MEG3: variants seen among roughly 807,000 people sequenced by gnomAD.
The protein encoded by MEG3 is maternally expressed 3.
rs2037621795 is a variant in MEG3 at position 100,837,517 on chromosome 14, G to A, written n.3045+1217G>A. ...TGAGGGGGCCCTAGCACTGTCCTTG[G>A]CCCAGATGCCAATACTCCCCTCTGG... On this transcript the variant is annotated intron_variant and non_coding_transcript_variant, in intron 2 of 3. Coordinates refer to the MEG3 transcript ENST00000398461. This position sits in a 1 kb window ranked among gnomAD's most constrained non-coding sequence, Gnocchi z 5.8. Among the ~76,000 whole-genome samples, 1 of 152,056 alleles carries A rather than the reference G, an allele frequency of 6.6e-6. No homozygotes were observed. Among genetic ancestry groups the A allele is most frequent in the African/African-American group, 2.4e-5 (1 of 41,386 alleles).
intron 2 of MEG3, among the ~76,000 whole-genome samples, chr14:100,841,569 G>A (rs1169657072): frequency 2.0e-5 from 3 of 152,222 alleles, no homozygotes; most frequent in Non-Finnish European, 4.4e-5. Context: ...GAGGTTGCAC[G>A]GTGAGCCGGC....
At chr14:100,843,339 C>T (rs895589903) in intron 2 of MEG3, among the ~76,000 whole-genome samples, 2 of 152,076 alleles carry the variant, frequency 1.3e-5, no homozygotes, top group African/African-American at 2.4e-5. Flanking sequence ...GCCTGAGTCT[C>T]GTTGCCACCT....
intron 2 of MEG3, among the ~76,000 whole-genome samples, chr14:100,839,225 A>T (rs756168886): frequency 2.0e-5 from 3 of 152,152 alleles, no homozygotes; most frequent in Non-Finnish European, 4.4e-5. Context: ...GCAGTGGACA[A>T]TGCGGAAGCC....
At chr14:100,833,818 A>G (rs917280400), downstream of MEG3, 16 of 152,224 alleles carry the variant, frequency 1.1e-4, no homozygotes, top group African/African-American at 3.9e-4. Flanking sequence ...TGGAAAAAAA[A>G]ACTAGGGGAT....
chr14:100,834,701 C>T (rs3194464), exon 1 of MEG3: 2 of 456,562 alleles, frequency 4.4e-6, no homozygotes, highest in East Asian at 7.0e-5. Flanking sequence ...CAGCACCAGC[C>T]TGGCACAGAG....
chr14:100,860,035 C>T (rs1219798373), exon 1 of MEG3: 1 of 153,202 alleles, frequency 6.5e-6, no homozygotes, highest in Non-Finnish European at 1.5e-5. Context: ...GTGACTGGCA[C>T]ACAGGCGCTC....
upstream of MEG3, chr14:100,856,248 G>A (rs749765351): frequency 6.6e-6 from 1 of 152,380 alleles, no homozygotes; most frequent in Admixed American, 6.5e-5. Context: ...GCTCCGAGCT[G>A]TCCTGCAGGT....
chr14:100,826,423 A>T (rs1211209757), intron 1 of MEG3: 1 of 152,240 alleles, frequency 6.6e-6, no homozygotes, highest in Non-Finnish European at 1.5e-5. Context: ...CCTGGGGGGA[A>T]GTCAGGGCTC....
At position 100,843,826 on chromosome 14, in the gene MEG3, G is replaced by A. The variant is rs192275117; in HGVS notation, n.3046-1632G>A. 3.9e-3 allele frequency among the ~76,000 whole-genome samples: 568 copies of A among 144,532 alleles called. 21 individuals carry two copies. Among genetic ancestry groups the A allele is most frequent in the Admixed American group, 0.032 (443 of 14,044 alleles). 94.8% of individuals were successfully genotyped at this position (144,532 alleles called of 152,430 possible). On this transcript the variant is annotated intron_variant and non_coding_transcript_variant, in intron 2 of 3. Transcript: ENST00000398461. ...AGGCAGCTGGAGTCAGGTGTCTCCCGGGACCTGTTTTTTTTTTTTTTTTTT... is the reference window on the plus strand; with the variant it reads ...AGGCAGCTGGAGTCAGGTGTCTCCCAGGACCTGTTTTTTTTTTTTTTTTTT...
At chr14:100,836,194 G>A (rs1488193506) in exon 2 of MEG3, 5 of 455,948 alleles carry the variant, frequency 1.1e-5, no homozygotes, top group South Asian at 4.7e-5. Context: ...CGGCTGGGTC[G>A]GCTGAAGAAC....
chr14:100,844,063 C>T (rs1483792181), intron 2 of MEG3, among the ~76,000 whole-genome samples: 1 of 152,032 alleles, frequency 6.6e-6, no homozygotes, highest in Non-Finnish European at 1.5e-5. Flanking sequence ...AACTCCTGAC[C>T]TCAGGCGATC....
chr14:100,840,810 C>T (rs987372993), intron 2 of MEG3, among the ~76,000 whole-genome samples: 8 of 152,130 alleles, frequency 5.3e-5, no homozygotes, highest in African/African-American at 9.7e-5. Flanking sequence ...AATGGGGCTG[C>T]GGGGAGAGAG....
At chr14:100,836,914 T>G (rs948289792) in intron 2 of MEG3, among the ~76,000 whole-genome samples, 1 of 152,228 alleles carries the variant, frequency 6.6e-6, no homozygotes, top group African/African-American at 2.4e-5. Context: ...TTTGTTTAAA[T>G]AAAACAGCAA....
At chr14:100,861,005 G>GC in exon 2 of MEG3, 1 of 203,200 alleles carries the variant, frequency 4.9e-6, no homozygotes, top group Non-Finnish European at 1.0e-5. Flanking sequence ...CTCAATAAAT[G>GC]TGTTTCCTGT....
At chr14:100,831,855 T>A (rs536662692), downstream of MEG3, 5 of 152,308 alleles carry the variant, frequency 3.3e-5, no homozygotes, top group East Asian at 7.7e-4. Flanking sequence ...GCCAGGTTTA[T>A]CTCAGTTTCA....
Position 100,837,288 on chromosome 14 carries a change from C to T in MEG3, n.3045+988C>T, listed in dbSNP as rs992481834. 6.6e-6 allele frequency among the ~76,000 whole-genome samples: 1 copy of T among 152,210 alleles called. No individual in the cohort carries two copies. The highest frequency in any genetic ancestry group is 2.4e-5 in the African/African-American group (1 of 41,456). On this transcript the variant is annotated intron_variant and non_coding_transcript_variant, in intron 2 of 3. Transcript: ENST00000398461. This position sits in a 1 kb window ranked among gnomAD's most constrained non-coding sequence, Gnocchi z 5.8. ...GGTCCCAGGGACTGAGTCTGTGGCT[C>T]ACTCAGGGCGATGGGGTGTTTTTAG...
downstream of MEG3, chr14:100,832,981 CCAAAA>C (rs2037441527): frequency 6.6e-6 from 1 of 152,286 alleles, no homozygotes; most frequent in South Asian, 2.1e-4. Context: ...TTGAGGACAT[CCAAAA>C]CTCACTCAAG....
At chr14:100,841,713 A>G (rs921669373) in intron 2 of MEG3, among the ~76,000 whole-genome samples, 2 of 152,226 alleles carry the variant, frequency 1.3e-5, no homozygotes, top group Non-Finnish European at 2.9e-5. Flanking sequence ...GGGCTGCCCC[A>G]TGAGCTGGGA....
chr14:100,828,128 A>G (rs1566716618), intron 1 of MEG3, among the ~76,000 whole-genome samples: 1 of 151,932 alleles, frequency 6.6e-6, no homozygotes, highest in Non-Finnish European at 1.5e-5. Context: ...AGCCCTTCCT[A>G]GCCTGAGACC....
Sources: allele counts gnomAD v4.1 joint callset (sites outside exome capture counted in the v4.1 genomes callset), GRCh38; gene constraint gnomAD v4.1.1; non-coding constraint Gnocchi (gnomAD v3.1); transcripts MANE v1.5; gene names NCBI Gene and HGNC (gene_info 2026-07-23, HGNC 2026-07-21).